SAMD12: variants seen among roughly 807,000 people sequenced by gnomAD.
SAMD12 encodes the protein sterile alpha motif domain-containing protein 12.
Under a neutral mutation model 15.0 loss-of-function variants are expected in SAMD12, and 9 were observed. The ratio of observed to expected loss-of-function variants is 0.60; its 90% CI spans 0.36 to 1.05. The LOEUF (loss-of-function observed/expected upper bound fraction) is 1.05, where lower values mean the gene tolerates loss of function less well. Among genes scored for constraint, SAMD12 ranks in the 50% least tolerant of loss-of-function variants. The pLI is 0.01. For missense variants in SAMD12, 230 were observed against 234.2 expected (o/e 0.98, Z 0.12); for synonymous variants, 86 against 90.1 (o/e 0.96, Z 0.25).
chr8:118,430,713 C>T (rs1822376259), intron 3 of SAMD12, among the ~76,000 whole-genome samples: 1 of 152,080 alleles, frequency 6.6e-6, no homozygotes, highest in Non-Finnish European at 1.5e-5. Flanking sequence ...ATTGTCTCAA[C>T]TCAATATAAC....
At chr8:118,618,605 C>G (rs1368316622) in intron 1 of SAMD12, among the ~76,000 whole-genome samples, 1 of 151,938 alleles carries the variant, frequency 6.6e-6, no homozygotes, top group Non-Finnish European at 1.5e-5. Flanking sequence ...TTTGGGAGGC[C>G]GAGGCGGGCG....
intron 4 of SAMD12, among the ~76,000 whole-genome samples, chr8:118,291,922 C>A (rs1814393060): frequency 6.6e-6 from 1 of 151,288 alleles, no homozygotes; most frequent in South Asian, 2.1e-4. Flanking sequence ...GGATCCTAAG[C>A]ATGCTCCTGT....
chr8:118,250,959 T>C (rs1812806616), intron 4 of SAMD12, among the ~76,000 whole-genome samples: 1 of 152,126 alleles, frequency 6.6e-6, no homozygotes, highest in African/African-American at 2.4e-5. Context: ...TATAGTGTTC[T>C]AAGTCCTTCA....
chr8:118,163,651 G>A, the SAMD12 span, among the ~76,000 whole-genome samples: 239 of 151,720 alleles, frequency 1.6e-3, 1 homozygote, highest in African/African-American at 5.6e-3. Flanking sequence ...CGAGGCGGGC[G>A]GATCACGAGG....
intron 3 of SAMD12, among the ~76,000 whole-genome samples, chr8:118,408,216 A>C (rs1316246090): frequency 2.6e-5 from 4 of 152,312 alleles, no homozygotes; most frequent in Admixed American, 6.5e-5. Context: ...GCTACAAAAG[A>C]CCAGATAAAT....
chr8:118,267,490 A>G (rs1813232274), intron 4 of SAMD12, among the ~76,000 whole-genome samples: 1 of 152,120 alleles, frequency 6.6e-6, no homozygotes, highest in Non-Finnish European at 1.5e-5. Context: ...TCAGCTCAAC[A>G]TGAAGGCATC....
chr8:118,381,446 A>G (rs1346109607), intron 3 of SAMD12, among the ~76,000 whole-genome samples: 2 of 152,236 alleles, frequency 1.3e-5, no homozygotes, highest in Non-Finnish European at 2.9e-5. Context: ...GAACCTGTTA[A>G]TTTCTTACCT....
At chr8:118,188,370 A>T (rs1819279948), downstream of SAMD12, among the ~76,000 whole-genome samples, 1 of 152,334 alleles carries the variant, frequency 6.6e-6, no homozygotes, top group South Asian at 2.1e-4. Flanking sequence ...TCTTTTAAGT[A>T]GAGGAAGTAG....
chr8:118,486,467 C>G (rs73317303), intron 2 of SAMD12, among the ~76,000 whole-genome samples: 1 of 150,710 alleles, frequency 6.6e-6, no homozygotes, highest in South Asian at 2.1e-4. Flanking sequence ...AGAGCTGTGA[C>G]GTGAAGGCTT....
At chr8:118,491,424 C>A (rs73317311) in intron 2 of SAMD12, among the ~76,000 whole-genome samples, 9,956 of 152,130 alleles carry the variant, frequency 0.065, 656 homozygotes, top group African/African-American at 0.16. Context: ...TGGAGACAGG[C>A]ACTTCATCTA....
chr8:118,549,033 A>C (rs1826232791), intron 2 of SAMD12, among the ~76,000 whole-genome samples: 1 of 152,254 alleles, frequency 6.6e-6, no homozygotes, highest in Non-Finnish European at 1.5e-5. Context: ...GGAAGCTGGA[A>C]CTGGGTGGAG....
At chr8:118,580,932 A>G (rs1827281535) in intron 1 of SAMD12, 39 bp from the exon 2 acceptor site, 2 of 1,524,798 alleles carry the variant, frequency 1.3e-6, no homozygotes, top group Non-Finnish European at 1.8e-6. Context: ...AAAACAAACC[A>G]CATAAAGAAG....
intron 2 of SAMD12, among the ~76,000 whole-genome samples, chr8:118,461,599 A>T (rs574610786): frequency 3.9e-5 from 6 of 152,152 alleles, no homozygotes; most frequent in Non-Finnish European, 8.8e-5. Flanking sequence ...ATAGTTTTCT[A>T]TGAGTCCAGG....
At chr8:118,159,731 T>TC in the SAMD12 span, among the ~76,000 whole-genome samples, 2 of 151,284 alleles carry the variant, frequency 1.3e-5, no homozygotes, top group Non-Finnish European at 2.9e-5. Context: ...TTTTTTTTTT[T>TC]TGAGAGGGCG....
chr8:118,515,537 G>A (rs6469752), intron 2 of SAMD12, among the ~76,000 whole-genome samples: 58,561 of 151,782 alleles, frequency 0.39, 11,450 homozygotes, highest in Admixed American at 0.43. Context: ...GCTTACATCA[G>A]ATCAGAGTAG....
At chr8:118,142,729 A>T in the SAMD12 span, among the ~76,000 whole-genome samples, 1 of 152,238 alleles carries the variant, frequency 6.6e-6, no homozygotes, top group Non-Finnish European at 1.5e-5. Flanking sequence ...GTCAAAAGCC[A>T]TTCATGTGTC....
At chr8:118,449,385 A>G (rs1823008980) in intron 2 of SAMD12, among the ~76,000 whole-genome samples, 1 of 151,936 alleles carries the variant, frequency 6.6e-6, no homozygotes, top group Non-Finnish European at 1.5e-5. Context: ...TTTGGATTCC[A>G]GCCAACTTGA....
chr8:118,255,683 C>A (rs1812921180), intron 4 of SAMD12, among the ~76,000 whole-genome samples: 1 of 151,734 alleles, frequency 6.6e-6, no homozygotes, highest in Admixed American at 6.6e-5. Context: ...AGGACATGAA[C>A]TCATCATTTT....
chr8:118,175,297 A>C, the SAMD12 span, among the ~76,000 whole-genome samples: 1 of 152,230 alleles, frequency 6.6e-6, no homozygotes, highest in South Asian at 2.1e-4. Context: ...AGCCATATGC[A>C]GAAGATTGAC....
Sources: allele counts gnomAD v4.1 joint callset (sites outside exome capture counted in the v4.1 genomes callset), GRCh38; gene constraint gnomAD v4.1.1; transcripts MANE v1.5; gene names NCBI Gene and HGNC (gene_info 2026-07-23, HGNC 2026-07-21).